RAD51B: variants seen among roughly 807,000 people sequenced by gnomAD.
RAD51B encodes the protein DNA repair protein RAD51 homolog 2.
Under a neutral mutation model 42.2 loss-of-function variants are expected in RAD51B, and 38 were observed. The ratio of observed to expected loss-of-function variants is 0.90; its 90% CI spans 0.70 to 1.18. RAD51B has a LOEUF of 1.18. RAD51B is among the 50% of genes most tolerant of loss of function. RAD51B has a pLI of 0.00. For synonymous variants in RAD51B, 154 were observed against 145.2 expected (o/e 1.06, Z -0.43); for missense variants, 373 against 400.7 (o/e 0.93, Z 0.59).
At chr14:68,307,360 A>G (rs1478988455) in intron 8 of RAD51B, among the ~76,000 whole-genome samples, 1 of 152,240 alleles carries the variant, frequency 6.6e-6, no homozygotes, top group Non-Finnish European at 1.5e-5. Context: ...TGGCTCCTCC[A>G]GCTGTCCAGG....
At position 68,395,779 on chromosome 14, in the gene RAD51B, G is replaced by A. The variant is rs148576148; in HGVS notation, c.854-15645G>A. Among the ~76,000 whole-genome samples the A allele has an allele frequency of 3.4e-3, 510 of 152,228 alleles. 4 individuals are homozygous for A. The highest frequency in any genetic ancestry group is 0.012 in the African/African-American group (485 of 41,532). On this transcript the variant is annotated intron_variant, in intron 8 of 10. Transcript: ENST00000471583. The stretch of plus-strand genomic sequence containing the variant: ...CTGACTCAAGGGCTGGACATCAAGG[G>A]GTGTTTGCCCCAGGACTGACCAGTG...
chr14:68,616,293 G>A (rs1891825350), downstream of RAD51B, among the ~76,000 whole-genome samples: 1 of 150,612 alleles, frequency 6.6e-6, no homozygotes, highest in African/African-American at 2.4e-5. Flanking sequence ...ATTTCTTTAG[G>A]GTAGATCTGC....
At chr14:68,105,432 T>C (rs1174636279) in intron 7 of RAD51B, among the ~76,000 whole-genome samples, 3 of 152,064 alleles carry the variant, frequency 2.0e-5, no homozygotes, top group Non-Finnish European at 4.4e-5. Flanking sequence ...TACTTGCCTA[T>C]GTATGGAAAA....
At chr14:68,574,789 G>A (rs767511145) in intron 10 of RAD51B, among the ~76,000 whole-genome samples, 20 of 152,224 alleles carry the variant, frequency 1.3e-4, no homozygotes, top group Non-Finnish European at 2.4e-4. Context: ...CAGCAAGGCA[G>A]CACCTGTGGT....
intron 7 of RAD51B, among the ~76,000 whole-genome samples, chr14:67,923,256 G>A (rs148659111): frequency 1.6e-3 from 239 of 146,864 alleles, no homozygotes; most frequent in Non-Finnish European, 2.7e-3. Context: ...GTGTGTGTGT[G>A]TATATATATA....
intron 8 of RAD51B, among the ~76,000 whole-genome samples, chr14:68,398,994 T>A (rs2084006825): frequency 6.6e-6 from 1 of 152,170 alleles, no homozygotes; most frequent in South Asian, 2.1e-4. Flanking sequence ...ATTCATCAGG[T>A]TTGGGATGGG....
chr14:68,649,454 A>C (rs1467024845), intron 10 of RAD51B, among the ~76,000 whole-genome samples: 7 of 152,176 alleles, frequency 4.6e-5, no homozygotes, highest in African/African-American at 1.7e-4. Flanking sequence ...CTTCTCTGCA[A>C]GATCAGCGCA....
chr14:68,583,357 T>G (rs761948), intron 10 of RAD51B, among the ~76,000 whole-genome samples: 1 of 152,000 alleles, frequency 6.6e-6, no homozygotes, highest in Non-Finnish European at 1.5e-5. Context: ...TAAAATAAGT[T>G]TAGGAAATAG....
chr14:68,541,407 T>G, intron 10 of RAD51B: 1 of 985,428 alleles, frequency 1.0e-6, no homozygotes, highest in Non-Finnish European at 1.2e-6. Flanking sequence ...TGCACAGTCC[T>G]CACAGAGTGT....
chr14:68,666,684 C>T (rs1237537134), intron 11 of RAD51B, among the ~76,000 whole-genome samples: 1 of 152,214 alleles, frequency 6.6e-6, no homozygotes, highest in African/African-American at 2.4e-5. Context: ...AGTATTACTG[C>T]TATAGTGAAA....
At chr14:67,831,900 G>A (rs1039104578) in intron 3 of RAD51B, among the ~76,000 whole-genome samples, 1 of 152,056 alleles carries the variant, frequency 6.6e-6, no homozygotes, top group African/African-American at 2.4e-5. Flanking sequence ...ACTTAAAATT[G>A]TAAGTGAAGT....
chr14:68,158,963 A>G (rs940824345), intron 7 of RAD51B, among the ~76,000 whole-genome samples: 3 of 152,220 alleles, frequency 2.0e-5, no homozygotes, highest in African/African-American at 7.2e-5. Context: ...AGCAGACACC[A>G]AAGTAAGTGT....
At chr14:68,160,564 C>G (rs2078616859) in intron 7 of RAD51B, among the ~76,000 whole-genome samples, 1 of 152,148 alleles carries the variant, frequency 6.6e-6, no homozygotes, top group South Asian at 2.1e-4. Flanking sequence ...ATTTAAAATT[C>G]TGATATTTTC....
intron 10 of RAD51B, chr14:68,540,998 C>G (rs1014374014): frequency 2.0e-6 from 2 of 985,418 alleles, no homozygotes; most frequent in Non-Finnish European, 1.2e-6. Flanking sequence ...TTATTGCTAT[C>G]ATTTGTTTTT....
chr14:68,191,639 C>T (rs2079269585), intron 7 of RAD51B, among the ~76,000 whole-genome samples: 1 of 152,084 alleles, frequency 6.6e-6, no homozygotes, highest in South Asian at 2.1e-4. Context: ...CTTGGGAGCC[C>T]AGGTCTTACT....
chr14:68,093,451 T>G (rs2140524757), intron 7 of RAD51B, among the ~76,000 whole-genome samples: 1 of 152,324 alleles, frequency 6.6e-6, no homozygotes, highest in East Asian at 1.9e-4. Flanking sequence ...GTCCAGGAAT[T>G]TATCCATTTC....
At chr14:68,549,677 G>A (rs953830857) in intron 10 of RAD51B, among the ~76,000 whole-genome samples, 1 of 151,154 alleles carries the variant, frequency 6.6e-6, no homozygotes, top group African/African-American at 2.4e-5. Flanking sequence ...GCCTCCCAAA[G>A]TGCTGGGATT....
At chr14:68,226,974 CACTAT>C (rs2080051288) in intron 7 of RAD51B, among the ~76,000 whole-genome samples, 1 of 152,112 alleles carries the variant, frequency 6.6e-6, no homozygotes, top group Admixed American at 6.5e-5. Context: ...AAATGATAGG[CACTAT>C]GTTAGGTACA....
At chr14:68,452,717 A>G (rs192763840) in intron 9 of RAD51B, among the ~76,000 whole-genome samples, 61 of 152,312 alleles carry the variant, frequency 4.0e-4, no homozygotes, top group African/African-American at 7.5e-4. Flanking sequence ...AGAAACTAAT[A>G]TTTCTCAGGT....
Sources: allele counts gnomAD v4.1 joint callset (sites outside exome capture counted in the v4.1 genomes callset), GRCh38; gene constraint gnomAD v4.1.1; transcripts MANE v1.5; gene names NCBI Gene and HGNC (gene_info 2026-07-23, HGNC 2026-07-21).